MAGEC3: variants seen among roughly 807,000 people sequenced by gnomAD.
MAGEC3 encodes the protein MAGE family member C3, also known as melanoma-associated antigen C3.
Under a neutral mutation model 35.3 loss-of-function variants are expected in MAGEC3, and 34 were observed. The ratio of observed to expected loss-of-function variants is 0.96; its 90% confidence interval spans 0.73 to 1.28. The LOEUF (loss-of-function observed/expected upper bound fraction) is 1.28, where lower values mean the gene tolerates loss of function less well. MAGEC3 is among the 50% of genes most tolerant of loss of function. The pLI is 0.00. For synonymous variants in MAGEC3, 202 were observed against 185.6 expected (o/e 1.09, Z -0.72); for missense variants, 561 against 483.6 (o/e 1.16, Z -1.50).
intron 1 of MAGEC3, among the ~76,000 whole-genome samples, chrX:141,843,308 A>G (rs2124079983): frequency 9.0e-6 from 1 of 111,554 alleles, no homozygotes; most frequent in Admixed American, 9.5e-5. Context: ...GAGTAAGGCC[A>G]TCAACCTGTG....
chrX:141,845,784 A>G (rs1473683145), intron 1 of MAGEC3, among the ~76,000 whole-genome samples: 2 of 111,139 alleles, frequency 1.8e-5, no homozygotes, highest in Non-Finnish European at 3.8e-5. Flanking sequence ...TCTGTAAAGT[A>G]GAATAGTTTC....
intron 2 of MAGEC3, among the ~76,000 whole-genome samples, chrX:141,869,016 C>T (rs112357823): frequency 1.8e-5 from 2 of 108,902 alleles, no homozygotes; most frequent in South Asian, 4.0e-4. Flanking sequence ...CGAGTAGCTG[C>T]GACTACAGGT....
At chrX:141,864,350 G>T (rs1389878049) in intron 1 of MAGEC3, among the ~76,000 whole-genome samples, 1 of 106,056 alleles carries the variant, frequency 9.4e-6, no homozygotes, top group African/African-American at 3.4e-5. Flanking sequence ...AATGAAAAAA[G>T]ATAATAAAAA....
chrX:141,839,853 C>T, intron 1 of MAGEC3: 2 of 475,606 alleles, frequency 4.2e-6, no homozygotes, highest in Non-Finnish European at 5.2e-6. Context: ...GCAGGGAATG[C>T]TACTGGTATT....
intron 1 of MAGEC3, among the ~76,000 whole-genome samples, chrX:141,856,768 C>T (rs2017783530): frequency 9.0e-6 from 1 of 111,642 alleles, no homozygotes; most frequent in African/African-American, 3.2e-5. Flanking sequence ...ATGGATGAGC[C>T]TGGAGGACGT....
At position 141,897,791 on chromosome X, in the gene MAGEC3, G is replaced by A. The variant is rs770035824; in HGVS notation, c.1891G>A (p.Ala631Thr). 2 of 1,204,510 alleles carry A rather than the reference G, an allele frequency of 1.7e-6. No individual in the cohort carries two copies. Among genetic ancestry groups the A allele is most frequent in the Non-Finnish European group, 2.2e-6 (2 of 892,486 alleles). The change falls in exon 8 of 8, where the codon GCA becomes ACA. Residue 631 changes from alanine (A) to threonine (T), a missense_variant. Transcript: ENST00000298296. ...TTDDATAMAS[A>T]SPSVMSTNFC... is the part of the protein sequence containing the mutation. ...AGATGATGCTACTGCCATGGCCAGT[G>A]CAAGCCCCAGTGTCATGTCCACCAA...
intron 1 of MAGEC3, among the ~76,000 whole-genome samples, chrX:141,843,134 AG>A (rs2017695876): frequency 8.9e-6 from 1 of 112,632 alleles, no homozygotes; most frequent in Admixed American, 9.4e-5. Context: ...AATGATGGCC[AG>A]TCTCTAGTTC....
intron 1 of MAGEC3, among the ~76,000 whole-genome samples, chrX:141,847,001 T>C (rs1409352166): frequency 1.8e-5 from 2 of 111,283 alleles, no homozygotes; most frequent in African/African-American, 6.5e-5. Flanking sequence ...TAAAAGCAAT[T>C]ACCCCAGTGC....
Position 141,889,053 on chromosome X carries a change from C to T in MAGEC3, c.910-6216C>T, listed in dbSNP as rs190337753. Among the ~76,000 whole-genome samples the T allele has an allele frequency of 2.7e-5, 3 of 112,117 alleles. 1 individual carries two copies. The highest frequency in any genetic ancestry group is 9.7e-5 in the African/African-American group (3 of 30,851). ...CACACAGTATTGCCTCTGGCCAAGG[C>T]ACTCACTTTATGGCTAAAGAAGTGT... is the stretch of plus-strand genomic sequence containing the variant. On this transcript the variant is annotated intron_variant, in intron 4 of 7. Transcript: ENST00000298296.
In MAGEC3 at chrX:141,838,489, T is replaced by G. The variant is rs749669278; in HGVS notation, c.123+51T>G. 12 of 1,179,048 alleles carry G rather than the reference T, an allele frequency of 1.0e-5. No individual in the cohort carries two copies. In the East Asian group the frequency reaches 3.6e-4, roughly 35 times the overall value. ...TCTAAGCCCCAGGTTAACAGCCAGC[T>G]CTTCTTTTGCATCTCAGCCTCAGTG... On this transcript the variant is annotated intron_variant, in intron 1 of 7. Transcript: ENST00000298296.
intron 1 of MAGEC3, 74 bp downstream of exon 1, chrX:141,838,512 G>A (rs1475423984): frequency 2.6e-6 from 3 of 1,155,704 alleles, no homozygotes; most frequent in Admixed American, 2.3e-5. Flanking sequence ...CTCAGCCTCA[G>A]TGTTGCTTGG....
chrX:141,895,203 G>C, intron 4 of MAGEC3, 66 bp from the exon 5 acceptor site: 1 of 1,090,598 alleles, frequency 9.2e-7, no homozygotes, highest in Non-Finnish European at 1.2e-6. Flanking sequence ...GTGGAAGGAG[G>C]CGGAGAGGTG....
chrX:141,867,602 A>G (rs759623277), intron 2 of MAGEC3, among the ~76,000 whole-genome samples: 1 of 112,336 alleles, frequency 8.9e-6, no homozygotes, highest in Non-Finnish European at 1.9e-5. Flanking sequence ...TTCTAAAATA[A>G]AACTGGAAAG....
At chrX:141,874,427 G>A (rs908282762) in intron 2 of MAGEC3, among the ~76,000 whole-genome samples, 5 of 111,414 alleles carry the variant, frequency 4.5e-5, no homozygotes, top group African/African-American at 1.3e-4. Context: ...AACGAGAAAC[G>A]AGGATAAAAG....
At chrX:141,860,599 G>A (rs1314806734) in intron 1 of MAGEC3, among the ~76,000 whole-genome samples, 3 of 111,938 alleles carry the variant, frequency 2.7e-5, no homozygotes, top group Non-Finnish European at 1.9e-5. Context: ...CAGACAACCC[G>A]TAGAATATTG....
chrX:141,894,961 G>A, intron 4 of MAGEC3: 1 of 566,036 alleles, frequency 1.8e-6, no homozygotes, highest in South Asian at 3.4e-5. Flanking sequence ...AAGGTGGGAG[G>A]GAGTGGGAAA....
chrX:141,897,815 A>G lies in MAGEC3; in HGVS notation c.1915A>G (p.Asn639Asp), dbSNP rs1164347606. The G allele has an allele frequency of 2.5e-6, 3 of 1,197,667 alleles. No homozygotes were observed. The Admixed American group carries it at 6.7e-5, about 27-fold the overall frequency. ...TGCAAGCCCCAGTGTCATGTCCACC[A>G]ACTTCTGTCCTGAGTGATGTCTGAA... ...ASASPSVMSTNFCPE is the reference protein window; with the variant it reads ...ASASPSVMSTDFCPE Residue 639 changes from asparagine (N) to aspartate (D), a missense_variant, in exon 8 of 8, where the codon AAC becomes GAC. By Grantham distance (23) the Asn-to-Asp change is conservative (BLOSUM62 1). Transcript: ENST00000298296.
intron 1 of MAGEC3, among the ~76,000 whole-genome samples, chrX:141,841,618 A>G (rs1020013862): frequency 3.6e-5 from 4 of 111,913 alleles, no homozygotes; most frequent in Non-Finnish European, 7.5e-5. Context: ...AGCCTTGTCC[A>G]CCAGATCCTA....
intron 2 of MAGEC3, among the ~76,000 whole-genome samples, chrX:141,872,857 C>A (rs146723099): frequency 3.6e-5 from 4 of 111,747 alleles, no homozygotes; most frequent in African/African-American, 1.3e-4. Flanking sequence ...GTCCTCCTCA[C>A]GCAAATCACT....
Sources: allele counts gnomAD v4.1 joint callset (sites outside exome capture counted in the v4.1 genomes callset), GRCh38; gene constraint gnomAD v4.1.1; transcripts MANE v1.5; gene names NCBI Gene and HGNC (gene_info 2026-07-23, HGNC 2026-07-21).